CHST11: variants seen among roughly 807,000 people sequenced by gnomAD.
The protein encoded by CHST11 is carbohydrate sulfotransferase 11, also known as C4S-1.
In CHST11, 9 loss-of-function variants were observed where a neutral mutation model predicts 30.4. The observed-to-expected ratio is 0.30, with a 90% CI of 0.18 to 0.52. The LOEUF (loss-of-function observed/expected upper bound fraction) is 0.52. Among genes scored for constraint, CHST11 ranks in the 20% least tolerant of loss-of-function variants. The pLI, the probability that CHST11 is intolerant of heterozygous loss-of-function variation, is 0.97. For synonymous variants in CHST11, 152 were observed against 187.8 expected (o/e 0.81, Z 1.56); for missense variants, 348 against 460.6 (o/e 0.76, Z 2.24).
At chr12:104,464,035 A>C (rs892210880) in intron 1 of CHST11, among the ~76,000 whole-genome samples, 1 of 150,944 alleles carries the variant, frequency 6.6e-6, no homozygotes, top group Non-Finnish European at 1.5e-5. Context: ...GAAGCAATGT[A>C]GCAAGATTGA....
rs1361228145 is a variant in CHST11, at chr12:104,692,670, G to T, written c.205-64279G>T. Among the ~76,000 whole-genome samples the T allele has an allele frequency of 3.3e-5, 5 of 152,168 alleles. No homozygotes were observed. The East Asian group carries it at 7.7e-4, about 24-fold the overall frequency. ...CAGGCCCCACAGCAAGAGGTGAGTG[G>T]CAGGCGAGCAAGCATTACTGCCTGA... On this transcript the variant is annotated intron_variant, in intron 2 of 2. Transcript: ENST00000303694.
intron 1 of CHST11, among the ~76,000 whole-genome samples, chr12:104,476,335 T>C (rs1369458683): frequency 1.3e-5 from 2 of 151,260 alleles, no homozygotes; most frequent in African/African-American, 4.8e-5. Flanking sequence ...ATATAATATA[T>C]ACACATATAT....
chr12:104,476,466 T>G (rs1233531048), intron 1 of CHST11, among the ~76,000 whole-genome samples: 1 of 152,108 alleles, frequency 6.6e-6, no homozygotes, highest in African/African-American at 2.4e-5. Context: ...TCATTCAGTT[T>G]TCTCTGACAA....
chr12:104,612,855 AG>A (rs2039072268), intron 2 of CHST11, among the ~76,000 whole-genome samples: 1 of 152,230 alleles, frequency 6.6e-6, no homozygotes, highest in African/African-American at 2.4e-5. Context: ...GCCCAAAGGA[AG>A]TGCAAGCAGC....
chr12:104,573,396 T>C (rs937532924), intron 1 of CHST11, among the ~76,000 whole-genome samples: 4 of 151,954 alleles, frequency 2.6e-5, no homozygotes, highest in Admixed American at 6.6e-5. Context: ...GAGCCCGCAT[T>C]GCCAAGTCAA....
chr12:104,670,893 TACATACATGC>T (rs1483811574), intron 2 of CHST11, among the ~76,000 whole-genome samples: 13 of 151,424 alleles, frequency 8.6e-5, no homozygotes, highest in Admixed American at 2.6e-4. Context: ...AACACACACA[TACATACATGC>T]ACATACATGC....
intron 2 of CHST11, among the ~76,000 whole-genome samples, chr12:104,742,551 G>A (rs1365186464): frequency 6.6e-6 from 1 of 152,188 alleles, no homozygotes; most frequent in South Asian, 2.1e-4. Context: ...CCTCACCGTT[G>A]TTCCTGTTCC....
At chr12:104,540,056 C>G (rs910403158) in intron 1 of CHST11, among the ~76,000 whole-genome samples, 2 of 152,210 alleles carry the variant, frequency 1.3e-5, no homozygotes, top group African/African-American at 4.8e-5. Flanking sequence ...ACTTAAAATA[C>G]TTAATACAGT....
intron 2 of CHST11, among the ~76,000 whole-genome samples, chr12:104,706,930 G>A (rs1430797435): frequency 6.6e-6 from 1 of 152,142 alleles, no homozygotes; most frequent in African/African-American, 2.4e-5. Flanking sequence ...GGATCACAGC[G>A]AGGCTCTGAA....
At chr12:104,477,155 A>C (rs1426802524) in intron 1 of CHST11, among the ~76,000 whole-genome samples, 2 of 152,178 alleles carry the variant, frequency 1.3e-5, no homozygotes, top group Non-Finnish European at 2.9e-5. Flanking sequence ...CTTAGGATTC[A>C]AATTCAATGA....
At chr12:104,683,039 C>T (rs941200147) in intron 2 of CHST11, among the ~76,000 whole-genome samples, 9 of 152,164 alleles carry the variant, frequency 5.9e-5, no homozygotes, top group African/African-American at 1.9e-4. Context: ...AAAAGATGTA[C>T]AAACCTCAAA....
chr12:104,662,826 AT>A (rs879915996), intron 2 of CHST11, among the ~76,000 whole-genome samples: 4 of 152,176 alleles, frequency 2.6e-5, no homozygotes, highest in African/African-American at 9.7e-5. Context: ...ATTTACTAAT[AT>A]TTTTTATAGC....
At chr12:104,652,363 C>T (rs2039498400) in intron 2 of CHST11, among the ~76,000 whole-genome samples, 2 of 152,180 alleles carry the variant, frequency 1.3e-5, no homozygotes, top group African/African-American at 4.8e-5. Flanking sequence ...AGCCCGTGGG[C>T]TCCTGCAGGC....
rs545403029 is a variant in CHST11, at chr12:104,736,092, A to G, written c.205-20857A>G. On this transcript the variant is annotated intron_variant, in intron 2 of 2. Transcript: ENST00000303694. ...CAGGAAGAGGGCAGTGACCACTCTC[A>G]GACATTCCAAGTTGGAGGTTCCTGT... Among the ~76,000 whole-genome samples the G allele has an allele frequency of 2.6e-5, 4 of 152,268 alleles. No individual in the cohort carries two copies. In the South Asian group the frequency reaches 8.3e-4, roughly 32 times the overall value.
chr12:104,626,306 G>C (rs965678533), intron 2 of CHST11, among the ~76,000 whole-genome samples: 2 of 152,122 alleles, frequency 1.3e-5, no homozygotes, highest in African/African-American at 2.4e-5. Context: ...AATAAGAAAA[G>C]CTTTTTTAAA....
At chr12:104,466,300 C>T (rs190021968) in intron 1 of CHST11, among the ~76,000 whole-genome samples, 98 of 152,152 alleles carry the variant, frequency 6.4e-4, no homozygotes, top group African/African-American at 1.8e-3. Flanking sequence ...AATAAACAAA[C>T]GTATGTTGGC....
intron 2 of CHST11, among the ~76,000 whole-genome samples, chr12:104,715,201 C>T (rs2136122939): frequency 6.6e-6 from 1 of 152,144 alleles, no homozygotes; most frequent in South Asian, 2.1e-4. Flanking sequence ...CCCATCTCTA[C>T]TAAAAATACA....
chr12:104,727,101 C>T (rs2040222686), intron 2 of CHST11, among the ~76,000 whole-genome samples: 2 of 152,108 alleles, frequency 1.3e-5, no homozygotes, highest in African/African-American at 2.4e-5. Flanking sequence ...TGGCCATCCA[C>T]CCCCACCCCA....
At position 104,501,311 on chromosome 12, in the gene CHST11, T is replaced by C. The variant is rs116023279; in HGVS notation, c.118+43782T>C. Among the ~76,000 whole-genome samples the C allele has an allele frequency of 3.8e-3, 585 of 152,246 alleles. 1 individual carries two copies. The highest frequency in any genetic ancestry group is 0.013 in the African/African-American group (558 of 41,526). ...TGGGAGGGACAGGTTTCAGAGTGTG[T>C]CCTTGATGGACACATAGTAGAGCCC... On this transcript the variant is annotated intron_variant, in intron 1 of 2. Coordinates refer to ENST00000303694, the MANE Select transcript of CHST11 (RefSeq NM_018413.6).
Sources: allele counts gnomAD v4.1 joint callset (sites outside exome capture counted in the v4.1 genomes callset), GRCh38; gene constraint gnomAD v4.1.1; transcripts MANE v1.5; gene names NCBI Gene and HGNC (gene_info 2026-07-23, HGNC 2026-07-21).